CSMD1: variants seen among roughly 807,000 people sequenced by gnomAD.
CSMD1 encodes the protein CUB and sushi domain-containing protein 1.
A neutral mutation model predicts 417.5 loss-of-function variants in CSMD1; 213 were observed. The observed-to-expected ratio is 0.51, with a 90% CI of 0.46 to 0.57. CSMD1 has a LOEUF of 0.57. CSMD1 is among the 20% of genes least tolerant of loss of function. The pLI is 0.00. For synonymous variants in CSMD1, 2,862 were observed against 1,736.8 expected (o/e 1.65, Z -16.11); for missense variants, 6,923 against 4,529.7 (o/e 1.53, Z -15.17).
chr8:4,840,282 T>C (rs978669323), intron 1 of CSMD1, among the ~76,000 whole-genome samples: 2 of 152,260 alleles, frequency 1.3e-5, no homozygotes, highest in Admixed American at 6.5e-5. Flanking sequence ...TGCTTTAAGA[T>C]GTTTTGCTAC....
At chr8:3,176,221 A>G (rs1468009281) in intron 37 of CSMD1, among the ~76,000 whole-genome samples, 1 of 152,196 alleles carries the variant, frequency 6.6e-6, no homozygotes, top group Admixed American at 6.5e-5. Flanking sequence ...AATACTTTCT[A>G]TTGTAAGCCA....
chr8:4,219,677 T>C (rs545703235), intron 3 of CSMD1, among the ~76,000 whole-genome samples: 11 of 152,338 alleles, frequency 7.2e-5, no homozygotes, highest in Middle Eastern at 6.8e-3. Context: ...TGGATAATAC[T>C]GCTACACAAG....
At chr8:3,954,770 T>A (rs527450510) in intron 5 of CSMD1, among the ~76,000 whole-genome samples, 1 of 151,646 alleles carries the variant, frequency 6.6e-6, no homozygotes, top group African/African-American at 2.4e-5. Flanking sequence ...GCATGCGTAA[T>A]GTGGCAGGGA....
intron 3 of CSMD1, among the ~76,000 whole-genome samples, chr8:4,057,440 G>C (rs572573597): frequency 2.0e-5 from 3 of 152,216 alleles, no homozygotes; most frequent in South Asian, 2.1e-4. Flanking sequence ...TTAGCCCTTT[G>C]TCAGATGAGT....
intron 3 of CSMD1, among the ~76,000 whole-genome samples, chr8:4,158,591 CCTT>C (rs1450792446): frequency 3.3e-5 from 5 of 152,142 alleles, no homozygotes; most frequent in East Asian, 1.9e-4. Context: ...TCGTTCCCCT[CCTT>C]CTTATTTTTC....
At chr8:3,787,260 G>A (rs562500859) in intron 5 of CSMD1, among the ~76,000 whole-genome samples, 14 of 152,258 alleles carry the variant, frequency 9.2e-5, no homozygotes, top group African/African-American at 3.1e-4. Flanking sequence ...GAAAAAACTT[G>A]TGAGTTGTGA....
chr8:4,992,255 C>A (rs1028990012), intron 1 of CSMD1, among the ~76,000 whole-genome samples: 2 of 151,732 alleles, frequency 1.3e-5, no homozygotes, highest in African/African-American at 2.4e-5. Context: ...CTCATCCTAG[C>A]GCTGCAGCCC....
At chr8:4,858,992 A>G (rs1801971545) in intron 1 of CSMD1, among the ~76,000 whole-genome samples, 1 of 151,000 alleles carries the variant, frequency 6.6e-6, no homozygotes. Flanking sequence ...AGCTGGAGGC[A>G]TCACGCTACC....
chr8:3,578,514 T>A (rs1233551077), intron 9 of CSMD1, among the ~76,000 whole-genome samples: 1 of 152,184 alleles, frequency 6.6e-6, no homozygotes, highest in Non-Finnish European at 1.5e-5. Context: ...ACCATATCCG[T>A]GTTGCTTTGT....
At chr8:3,514,884 T>A (rs1052646460) in intron 10 of CSMD1, among the ~76,000 whole-genome samples, 3 of 152,126 alleles carry the variant, frequency 2.0e-5, no homozygotes, top group Non-Finnish European at 4.4e-5. Context: ...AGAAATAAAA[T>A]AAATTTTATT....
At chr8:4,041,340 A>G (rs940031960) in intron 3 of CSMD1, among the ~76,000 whole-genome samples, 3 of 152,134 alleles carry the variant, frequency 2.0e-5, no homozygotes, top group Admixed American at 6.5e-5. Context: ...TTTAAACACT[A>G]GAAGAATTAA....
At chr8:3,275,346 C>G (rs1036431695) in intron 26 of CSMD1, among the ~76,000 whole-genome samples, 1 of 152,152 alleles carries the variant, frequency 6.6e-6, no homozygotes, top group Non-Finnish European at 1.5e-5. Flanking sequence ...ACCTTTCTCT[C>G]TGGCTGCCCT....
chr8:4,044,781 G>C (rs6988995), intron 3 of CSMD1, among the ~76,000 whole-genome samples: 6 of 29,794 alleles, frequency 2.0e-4, no homozygotes, highest in Non-Finnish European at 3.2e-4. Flanking sequence ...TAGCCGTGTA[G>C]CACCCTGAGG....
At chr8:4,670,093 A>G (rs966698964) in intron 1 of CSMD1, among the ~76,000 whole-genome samples, 2 of 152,206 alleles carry the variant, frequency 1.3e-5, no homozygotes, top group Non-Finnish European at 2.9e-5. Context: ...CCACGTCCAC[A>G]AGTGTAAGAT....
chr8:3,233,061 C>T (rs1468922719), intron 26 of CSMD1, among the ~76,000 whole-genome samples: 1 of 151,052 alleles, frequency 6.6e-6, no homozygotes, highest in Non-Finnish European at 1.5e-5. Context: ...ACATACTTAT[C>T]AATTTGTTTG....
intron 1 of CSMD1, among the ~76,000 whole-genome samples, chr8:4,891,197 G>GT (rs1362988996): frequency 6.6e-6 from 1 of 152,122 alleles, no homozygotes; most frequent in Non-Finnish European, 1.5e-5. Flanking sequence ...AGTGAAACAT[G>GT]TGACAGTCAC....
At chr8:3,182,611 T>TTA (rs1821417000) in intron 36 of CSMD1, among the ~76,000 whole-genome samples, 2 of 63,946 alleles carry the variant, frequency 3.1e-5, no homozygotes, top group Non-Finnish European at 5.1e-5. Context: ...TGTGTGTGTG[T>TTA]GTGTGTGTGT....
intron 1 of CSMD1, among the ~76,000 whole-genome samples, chr8:4,829,046 ATAACT>A (rs1799988840): frequency 6.6e-6 from 1 of 152,216 alleles, no homozygotes; most frequent in Non-Finnish European, 1.5e-5. Flanking sequence ...AAAAGTAATG[ATAACT>A]TAATAGGTTA....
rs1281423826 is a variant in CSMD1, at chr8:3,199,825, G to C, written c.5099-16C>G. 5.9e-6 allele frequency: 9 copies of C among 1,531,120 alleles called. No individual in the cohort carries two copies. The highest frequency in any genetic ancestry group is 4.1e-5 in the African/African-American group (3 of 72,976). 94.8% of individuals were successfully genotyped at this position (1,531,120 alleles called of 1,614,324 possible). ...AATGTTTCCCCTAGAAACGAAAACA[G>C]AGACAGATTCAGAAAACACACAGCA... is the stretch of plus-strand genomic sequence containing the variant. On this transcript the variant is annotated splice_polypyrimidine_tract_variant and intron_variant, in intron 32 of 69. Transcript: ENST00000635120.
Sources: allele counts gnomAD v4.1 joint callset (sites outside exome capture counted in the v4.1 genomes callset), GRCh38; gene constraint gnomAD v4.1.1; transcripts MANE v1.5; gene names NCBI Gene and HGNC (gene_info 2026-07-23, HGNC 2026-07-21).